The following PDE4D variants were observed in gnomAD, a reference collection of about 807,000 sequenced individuals.
The protein encoded by PDE4D is phosphodiesterase 4D, also known as 3',5'-cyclic-AMP phosphodiesterase 4D.
In PDE4D, 24 loss-of-function variants were observed where a neutral mutation model predicts 87.4. The ratio of observed to expected loss-of-function variants is 0.27; its 90% confidence interval spans 0.20 to 0.39. The LOEUF is 0.39. PDE4D is among the 10% of genes least tolerant of loss of function. The pLI, the probability that PDE4D is intolerant of heterozygous loss-of-function variation, is 1.00. For synonymous variants in PDE4D, 384 were observed against 383.2 expected (o/e 1.00, Z -0.02); for missense variants, 714 against 1,041.0 (o/e 0.69, Z 4.32).
chr5:60,220,897 C>T (rs967867541), intron 1 of PDE4D, among the ~76,000 whole-genome samples: 27 of 151,942 alleles, frequency 1.8e-4, no homozygotes, highest in African/African-American at 6.0e-4. Flanking sequence ...CTGTAGAAAG[C>T]AATATGAAAA....
intron 3 of PDE4D, among the ~76,000 whole-genome samples, chr5:59,945,511 T>C (rs1757643469): frequency 1.3e-5 from 2 of 152,188 alleles, no homozygotes; most frequent in Admixed American, 1.3e-4. Flanking sequence ...CTGAAAATAT[T>C]TTATTTCTAT....
At chr5:60,177,180 T>C (rs1477761084) in intron 2 of PDE4D, among the ~76,000 whole-genome samples, 4 of 152,126 alleles carry the variant, frequency 2.6e-5, no homozygotes, top group African/African-American at 9.7e-5. Context: ...AACAACACTG[T>C]CCACATTTGG....
At chr5:59,358,578 A>G (rs1781747557) in intron 1 of PDE4D, among the ~76,000 whole-genome samples, 1 of 152,144 alleles carries the variant, frequency 6.6e-6, no homozygotes, top group African/African-American at 2.4e-5. Context: ...GGAAATGCAC[A>G]CATTCCTGGC....
intron 5 of PDE4D, among the ~76,000 whole-genome samples, chr5:59,117,582 T>C (rs752698566): frequency 2.6e-5 from 4 of 152,298 alleles, no homozygotes; most frequent in Non-Finnish European, 5.9e-5. Context: ...GGCTCTCAAC[T>C]CTCTCTTCTT....
chr5:59,229,284 G>T (rs1000873610), intron 1 of PDE4D, among the ~76,000 whole-genome samples: 1 of 151,960 alleles, frequency 6.6e-6, no homozygotes, highest in Non-Finnish European at 1.5e-5. Flanking sequence ...TTTCTATACC[G>T]GTTATCATTT....
intron 1 of PDE4D, among the ~76,000 whole-genome samples, chr5:59,623,437 T>C (rs1232132199): frequency 2.0e-5 from 3 of 152,222 alleles, no homozygotes; most frequent in Non-Finnish European, 2.9e-5. Flanking sequence ...CACTTCACTT[T>C]AGAAAGACAA....
rs140112400 is a variant in PDE4D, at chr5:60,124,500, A to C, written c.42+61057T>G. Among the ~76,000 whole-genome samples the C allele has an allele frequency of 2.6e-4, 40 of 152,174 alleles. No individual in the cohort carries two copies. In the East Asian group the frequency reaches 7.7e-3, roughly 29 times the overall value. On this transcript the variant is annotated intron_variant, in intron 2 of 16. Transcript: ENST00000502484. Reference sequence around the variant, plus strand: ...AAATCAGAAAACAATTTTTCTCTGCAGCCCCCATCACATTTATCAAATCCT... The same window carrying C: ...AAATCAGAAAACAATTTTTCTCTGCCGCCCCCATCACATTTATCAAATCCT...
intron 1 of PDE4D, among the ~76,000 whole-genome samples, chr5:59,451,389 G>C (rs1006191550): frequency 6.6e-6 from 1 of 152,098 alleles, no homozygotes; most frequent in Non-Finnish European, 1.5e-5. Context: ...TCTGTAGATG[G>C]ATAGCTCCCC....
intron 1 of PDE4D, among the ~76,000 whole-genome samples, chr5:60,351,491 ATC>A (rs1381147557): frequency 6.6e-6 from 1 of 152,156 alleles, no homozygotes; most frequent in Non-Finnish European, 1.5e-5. Context: ...CAGAGATGAT[ATC>A]TAGTTCTTTA....
chr5:59,485,410 A>C (rs952035853), intron 1 of PDE4D, among the ~76,000 whole-genome samples: 6 of 152,134 alleles, frequency 3.9e-5, no homozygotes, highest in Admixed American at 3.9e-4. Flanking sequence ...GTTTTTAAAA[A>C]AAGATATACC....
At chr5:60,169,246 AT>A (rs1783197373) in intron 2 of PDE4D, among the ~76,000 whole-genome samples, 1 of 152,298 alleles carries the variant, frequency 6.6e-6, no homozygotes, top group Admixed American at 6.5e-5. Flanking sequence ...AAAATTATCC[AT>A]AATCTTGCAG....
At chr5:59,049,003 T>C (rs1013551373) in intron 5 of PDE4D, among the ~76,000 whole-genome samples, 1 of 152,184 alleles carries the variant, frequency 6.6e-6, no homozygotes, top group African/African-American at 2.4e-5. Context: ...GCTGCACAAC[T>C]CTCTCCTACT....
At chr5:59,862,923 A>G (rs967321389) in intron 1 of PDE4D, among the ~76,000 whole-genome samples, 1 of 152,216 alleles carries the variant, frequency 6.6e-6, no homozygotes, top group Non-Finnish European at 1.5e-5. Context: ...TGACATTTCT[A>G]TTCTTGGGCT....
At chr5:60,299,956 G>T (rs890672224) in intron 1 of PDE4D, among the ~76,000 whole-genome samples, 1 of 152,074 alleles carries the variant, frequency 6.6e-6, no homozygotes, top group Non-Finnish European at 1.5e-5. Context: ...CTGCCTCAAG[G>T]TCTTTGAGGA....
intron 2 of PDE4D, among the ~76,000 whole-genome samples, chr5:60,038,345 C>T (rs1376262455): frequency 6.6e-6 from 1 of 152,136 alleles, no homozygotes; most frequent in African/African-American, 2.4e-5. Context: ...CTACATATGG[C>T]TAGCCAGTTT....
rs532510291 is a variant in PDE4D at position 59,107,049 on chromosome 5, A to C, written c.809-68078T>G. Among the ~76,000 whole-genome samples the C allele has an allele frequency of 1.4e-3, 218 of 152,276 alleles. 1 individual carries two copies. The highest frequency in any genetic ancestry group is 2.3e-3 in the Non-Finnish European group (159 of 68,012). On this transcript the variant is annotated intron_variant, in intron 5 of 14. Transcript: ENST00000340635. Reference sequence around the variant, plus strand: ...AACCAGTTAATGTTTTTTGAAAAAAACAGTTATTGATCACCCAATCTTAGA... The same window carrying C: ...AACCAGTTAATGTTTTTTGAAAAAACCAGTTATTGATCACCCAATCTTAGA...
At chr5:59,705,428 C>A (rs892925116) in intron 1 of PDE4D, among the ~76,000 whole-genome samples, 4 of 151,968 alleles carry the variant, frequency 2.6e-5, no homozygotes, top group Non-Finnish European at 5.9e-5. Context: ...GCCTGAAATG[C>A]AAACATAGGA....
At chr5:60,161,274 G>C (rs769114419) in intron 2 of PDE4D, among the ~76,000 whole-genome samples, 2 of 151,998 alleles carry the variant, frequency 1.3e-5, no homozygotes, top group Non-Finnish European at 2.9e-5. Context: ...GATCCATTTT[G>C]GCTTTTGAGT....
chr5:59,334,227 G>T (rs1212447182), intron 1 of PDE4D, among the ~76,000 whole-genome samples: 5 of 148,618 alleles, frequency 3.4e-5, no homozygotes, highest in African/African-American at 1.2e-4. Context: ...GAAAAAAGTT[G>T]GAAGAGAGGA....
Sources: allele counts gnomAD v4.1 joint callset (sites outside exome capture counted in the v4.1 genomes callset), GRCh38; gene constraint gnomAD v4.1.1; transcripts MANE v1.5; gene names NCBI Gene and HGNC (gene_info 2026-07-23, HGNC 2026-07-21).